ITM2B: variants seen among roughly 807,000 people sequenced by gnomAD.
The protein encoded by ITM2B is integral membrane protein 2B, also known as ABri/ADan amyloid peptide.
In ITM2B, 11 loss-of-function variants were observed where a neutral mutation model predicts 27.8. The observed-to-expected ratio is 0.40, with a 90% confidence interval of 0.25 to 0.66. ITM2B has a LOEUF of 0.66. Ranked by LOEUF, ITM2B falls within the 30% of genes least tolerant of loss-of-function variation. The probability of loss-of-function intolerance (pLI) is 0.43; values close to 1 mark genes in which losing one functional copy is unlikely to be tolerated. For synonymous variants in ITM2B, 114 were observed against 114.3 expected (o/e 1.00, Z 0.02); for missense variants, 296 against 328.9 (o/e 0.90, Z 0.77).
Position 48,261,479 on chromosome 13 carries a change from G to T in ITM2B, c.*255G>T. The T allele has an allele frequency of 6.7e-6, 2 of 299,042 alleles. No homozygotes were observed. Among genetic ancestry groups the T allele is most frequent in the Non-Finnish European group, 6.2e-6 (1 of 161,528 alleles). 18.5% of individuals were successfully genotyped at this position (299,042 alleles called of 1,614,324 possible). On this transcript the variant is annotated 3_prime_UTR_variant, in exon 6 of 6. Transcript: ENST00000647800. ...TAGTACATGTCACCTTAGGTAGTAG[G>T]AAGAATTACAATTTCTTTAAATCAT...
chr13:48,248,059 G>A (rs761358917), intron 1 of ITM2B, among the ~76,000 whole-genome samples: 1 of 152,098 alleles, frequency 6.6e-6, no homozygotes, highest in East Asian at 1.9e-4. Flanking sequence ...ATATACCCCA[G>A]TGAAGAAGCT....
intron 1 of ITM2B, among the ~76,000 whole-genome samples, chr13:48,236,571 A>G (rs186710633): frequency 6.6e-6 from 1 of 152,340 alleles, no homozygotes; most frequent in Admixed American, 6.5e-5. Flanking sequence ...AAAAATAGCA[A>G]CTACCTCCTC....
At chr13:48,245,369 A>G (rs1419434277) in intron 1 of ITM2B, among the ~76,000 whole-genome samples, 5 of 152,208 alleles carry the variant, frequency 3.3e-5, no homozygotes, top group Non-Finnish European at 7.3e-5. Flanking sequence ...TAGATTGAAT[A>G]AACACAGTAG....
In ITM2B at chr13:48,267,494, G is replaced by C. The variant is rs1229357443; in HGVS notation, c.*6270G>C. On this transcript the variant is annotated 3_prime_UTR_variant, in exon 6 of 6. Coordinates refer to ENST00000647800, the MANE Select transcript of ITM2B (RefSeq NM_021999.5). ...CTAGATTCTAGCCCTGCAGCTAGCT[G>C]ACACTCTAAAAAATTATGAGTGCCT... The C allele has an allele frequency of 6.6e-6, 1 of 152,038 alleles. No individual in the cohort carries two copies. The allele number at this position is 152,038 out of a possible 1,614,324, so 9.4% of individuals were successfully genotyped here.
At chr13:48,245,200 C>T (rs1297799237) in intron 1 of ITM2B, among the ~76,000 whole-genome samples, 1 of 152,080 alleles carries the variant, frequency 6.6e-6, no homozygotes, top group Non-Finnish European at 1.5e-5. Flanking sequence ...GTGGCATGTG[C>T]CTGTAATCCC....
Position 48,266,278 on chromosome 13 carries a change from T to A in ITM2B, c.*5054T>A, listed in dbSNP as rs1951853082. 6.6e-6 allele frequency: 1 copy of A among 152,190 alleles called. No individual in the cohort carries two copies. The highest frequency in any genetic ancestry group is 6.5e-5 in the Admixed American group (1 of 15,268). 9.4% of individuals were successfully genotyped at this position (152,190 alleles called of 1,614,324 possible). A position where few individuals can be genotyped will look rare whatever the true frequency, so the allele number is the denominator to read the frequency against. ...TCCTAGCCTTTTAGTTTTGGCCTCA[T>A]ATAAGCTTGCAGCCCTGCCTGAAAC... On this transcript the variant is annotated 3_prime_UTR_variant, in exon 6 of 6. Transcript: ENST00000647800.
chr13:48,246,712 C>A (rs183435434), intron 1 of ITM2B, among the ~76,000 whole-genome samples: 2 of 151,908 alleles, frequency 1.3e-5, no homozygotes, highest in African/African-American at 4.8e-5. Context: ...GGAAGTATAC[C>A]CAGTCATAGC....
At chr13:48,259,792 C>T (rs1463260727) in intron 5 of ITM2B, among the ~76,000 whole-genome samples, 2 of 150,904 alleles carry the variant, frequency 1.3e-5, no homozygotes, top group African/African-American at 4.9e-5. Context: ...GTTTGGGGTA[C>T]AGATGATCCC....
At position 48,266,298 on chromosome 13, in the gene ITM2B, T is replaced by A. The variant is rs1951853225; in HGVS notation, c.*5074T>A. The A allele has an allele frequency of 6.6e-6, 1 of 152,226 alleles. No individual in the cohort carries two copies. The highest frequency in any genetic ancestry group is 1.5e-5 in the Non-Finnish European group (1 of 68,074). 9.4% of individuals were successfully genotyped at this position (152,226 alleles called of 1,614,324 possible). On this transcript the variant is annotated 3_prime_UTR_variant, in exon 6 of 6. Transcript: ENST00000647800. Reference sequence around the variant, plus strand: ...CCTCATATAAGCTTGCAGCCCTGCCTGAAACAGTTGTCTCTGTCCCCACTC... The same window carrying A: ...CCTCATATAAGCTTGCAGCCCTGCCAGAAACAGTTGTCTCTGTCCCCACTC...
chr13:48,269,247 G>A lies in ITM2B; in HGVS notation c.*8023G>A, dbSNP rs1258438476. On this transcript the variant is annotated 3_prime_UTR_variant, in exon 6 of 6. Coordinates refer to ENST00000647800, the MANE Select transcript of ITM2B (RefSeq NM_021999.5). ...CTGGTGTGCTCTACCTTCAAGATACGGATTATCCAGAATTCAGCCGCTTCT... is the reference window on the plus strand; with the variant it reads ...CTGGTGTGCTCTACCTTCAAGATACAGATTATCCAGAATTCAGCCGCTTCT... 6 of 151,810 alleles carry A rather than the reference G, an allele frequency of 4.0e-5. No individual in the cohort carries two copies. The highest frequency in any genetic ancestry group is 1.9e-4 in the East Asian group (1 of 5,176). 9.4% of individuals were successfully genotyped at this position (151,810 alleles called of 1,614,324 possible). A position where few individuals can be genotyped will look rare whatever the true frequency, so the allele number is the denominator to read the frequency against.
At chr13:48,259,472 G>A (rs763678622) in intron 5 of ITM2B, among the ~76,000 whole-genome samples, 7 of 152,150 alleles carry the variant, frequency 4.6e-5, no homozygotes, top group African/African-American at 4.8e-5. Flanking sequence ...TGAAATATAA[G>A]AATTACAGTA....
At chr13:48,254,945 G>A (rs1951777006) in intron 2 of ITM2B, 1 of 151,356 alleles carries the variant, frequency 6.6e-6, no homozygotes. Context: ...GCGCGATCTC[G>A]GCTCACTGCA....
At position 48,266,329 on chromosome 13, in the gene ITM2B, C is replaced by G. The variant is rs546713064; in HGVS notation, c.*5105C>G. 6.6e-6 allele frequency: 1 copy of G among 152,242 alleles called. No homozygotes were observed. Among genetic ancestry groups the G allele is most frequent in the Admixed American group, 6.6e-5 (1 of 15,264 alleles). 9.4% of individuals were successfully genotyped at this position (152,242 alleles called of 1,614,324 possible). ...AGTTGTCTCTGTCCCCACTCTACCC[C>G]CTGCCCTCCACAAAGAAAAGTTAAC... On this transcript the variant is annotated 3_prime_UTR_variant, in exon 6 of 6. Transcript: ENST00000647800.
intron 1 of ITM2B, among the ~76,000 whole-genome samples, chr13:48,246,461 G>A (rs1951725267): frequency 6.6e-6 from 1 of 152,148 alleles, no homozygotes; most frequent in African/African-American, 2.4e-5. Flanking sequence ...ATGTCCTCAT[G>A]GATTGTTAAC....
chr13:48,252,648 A>G (rs1951761811), intron 1 of ITM2B, among the ~76,000 whole-genome samples: 1 of 152,120 alleles, frequency 6.6e-6, no homozygotes, highest in Admixed American at 6.5e-5. Flanking sequence ...CCAATGACCG[A>G]TCCTGTTTTT....
chr13:48,257,122 A>G (rs1426412683), intron 3 of ITM2B, among the ~76,000 whole-genome samples: 1 of 152,238 alleles, frequency 6.6e-6, no homozygotes, highest in Non-Finnish European at 1.5e-5. Flanking sequence ...ACAGTAATAG[A>G]TTAACGACAA....
chr13:48,248,489 A>T (rs756651142), intron 1 of ITM2B, among the ~76,000 whole-genome samples: 32 of 148,832 alleles, frequency 2.2e-4, no homozygotes, highest in South Asian at 8.5e-4. Context: ...TTTATTTCGA[A>T]TTTTTTTTTT....
intron 1 of ITM2B, among the ~76,000 whole-genome samples, chr13:48,235,849 G>C (rs1337758071): frequency 3.3e-5 from 5 of 152,118 alleles, no homozygotes; most frequent in African/African-American, 9.7e-5. Context: ...ACAATATCCC[G>C]CAGACCATTG....
chr13:48,250,420 C>G (rs575161208), intron 1 of ITM2B, among the ~76,000 whole-genome samples: 1 of 151,966 alleles, frequency 6.6e-6, no homozygotes, highest in Non-Finnish European at 1.5e-5. Flanking sequence ...GAGATTGAGA[C>G]CATCCTGGCT....
Sources: allele counts gnomAD v4.1 joint callset (sites outside exome capture counted in the v4.1 genomes callset), GRCh38; gene constraint gnomAD v4.1.1; transcripts MANE v1.5; gene names NCBI Gene and HGNC (gene_info 2026-07-23, HGNC 2026-07-21).